The following CTNND2 variants were observed in gnomAD, a reference collection of about 807,000 sequenced individuals.
The protein encoded by CTNND2 is catenin delta 2.
A neutral mutation model predicts 144.4 loss-of-function variants in CTNND2; 22 were observed. That is an observed-to-expected ratio of 0.15 (90% confidence interval 0.11 to 0.22). The LOEUF (loss-of-function observed/expected upper bound fraction) is 0.22. Ranked by LOEUF, CTNND2 falls within the 10% of genes least tolerant of loss-of-function variation. The pLI is 1.00. For missense variants in CTNND2, 1,353 were observed against 1,618.8 expected, an observed-to-expected ratio of 0.84 and a Z score of 2.82; for synonymous variants, 751 against 695.6, an observed-to-expected ratio of 1.08 and a Z score of -1.25.
intron 5 of CTNND2, among the ~76,000 whole-genome samples, chr5:11,406,856 A>G (rs1228622003): frequency 6.6e-6 from 1 of 152,142 alleles, no homozygotes; most frequent in African/African-American, 2.4e-5. Flanking sequence ...CTCAGAATAT[A>G]TTAGCTCTGA....
chr5:11,622,360 G>A (rs1185174548), intron 2 of CTNND2, among the ~76,000 whole-genome samples: 2 of 152,124 alleles, frequency 1.3e-5, no homozygotes, highest in African/African-American at 4.8e-5. Context: ...TTGAGGGTAA[G>A]AAACTAGCCA....
intron 1 of CTNND2, among the ~76,000 whole-genome samples, chr5:11,765,588 G>T (rs959718711): frequency 1.3e-5 from 2 of 152,182 alleles, no homozygotes; most frequent in African/African-American, 4.8e-5. Context: ...TTCAAGATCA[G>T]ATTTGAATAT....
intron 10 of CTNND2, among the ~76,000 whole-genome samples, chr5:11,226,756 T>C (rs1423240810): frequency 6.6e-6 from 1 of 152,232 alleles, no homozygotes; most frequent in African/African-American, 2.4e-5. Context: ...TCGAGATTTG[T>C]ATGGGGACAT....
chr5:11,402,264 C>T (rs1760708420), intron 5 of CTNND2, among the ~76,000 whole-genome samples: 2 of 152,120 alleles, frequency 1.3e-5, no homozygotes, highest in Admixed American at 6.5e-5. Flanking sequence ...CAAACTTAAA[C>T]TGCTGCTTAA....
At chr5:11,419,878 C>A (rs974279540) in intron 3 of CTNND2, among the ~76,000 whole-genome samples, 12 of 152,190 alleles carry the variant, frequency 7.9e-5, no homozygotes, top group African/African-American at 2.9e-4. Flanking sequence ...GCATCAGTCT[C>A]CACATTGTAT....
intron 2 of CTNND2, among the ~76,000 whole-genome samples, chr5:11,694,540 G>A (rs1561702109): frequency 2.0e-5 from 3 of 152,136 alleles, no homozygotes; most frequent in Non-Finnish European, 4.4e-5. Context: ...AAATGAGAAC[G>A]CAGAGTATTA....
intron 8 of CTNND2, among the ~76,000 whole-genome samples, chr5:11,362,262 C>G (rs1002189946): frequency 6.6e-6 from 1 of 152,124 alleles, no homozygotes; most frequent in Admixed American, 6.5e-5. Context: ...TCTTTGTAAT[C>G]TCCATTTTTA....
Position 11,706,812 on chromosome 5 carries a change from G to A in CTNND2, c.174+25324C>T, listed in dbSNP as rs149890012. On this transcript the variant is annotated intron_variant, in intron 2 of 21. Coordinates refer to ENST00000304623, the MANE Select transcript of CTNND2 (RefSeq NM_001332.4). ...ACTAAAATAAGGAAGTAAGGCCAGC[G>A]CGGTGGCTCAGGCCTGTAATCCCAG... 6.9e-4 allele frequency among the ~76,000 whole-genome samples: 105 copies of A among 152,140 alleles called. 3 individuals are homozygous for A. The East Asian group carries it at 0.016, about 24-fold the overall frequency.
chr5:11,831,050 T>TTG (rs754961273), intron 1 of CTNND2, among the ~76,000 whole-genome samples: 31 of 151,768 alleles, frequency 2.0e-4, no homozygotes, highest in Non-Finnish European at 3.7e-4. Flanking sequence ...GAGAGTATGT[T>TTG]TGTGTGTGTG....
chr5:11,678,236 A>C (rs1784265785), intron 2 of CTNND2, among the ~76,000 whole-genome samples: 1 of 152,188 alleles, frequency 6.6e-6, no homozygotes, highest in Non-Finnish European at 1.5e-5. Context: ...AACTGAAGTT[A>C]CCTCCTACTC....
intron 3 of CTNND2, among the ~76,000 whole-genome samples, chr5:11,423,960 C>T (rs978670972): frequency 3.9e-5 from 6 of 152,194 alleles, no homozygotes; most frequent in African/African-American, 1.4e-4. Flanking sequence ...CGCCTTTATA[C>T]AGCAGAAACC....
intron 1 of CTNND2, among the ~76,000 whole-genome samples, chr5:11,782,722 G>T (rs544498201): frequency 6.6e-6 from 1 of 152,076 alleles, no homozygotes; most frequent in Non-Finnish European, 1.5e-5. Context: ...ACTGTGAAAC[G>T]CTCAGTATCT....
At position 11,271,572 on chromosome 5, in the gene CTNND2, C is replaced by T. The variant is rs1014894500; in HGVS notation, c.1629-34749G>A. Among the ~76,000 whole-genome samples the T allele has an allele frequency of 3.3e-5, 5 of 152,090 alleles. No individual in the cohort carries two copies. In the East Asian group the frequency reaches 5.8e-4, roughly 18 times the overall value. On this transcript the variant is annotated intron_variant, in intron 9 of 21. Coordinates refer to ENST00000304623, the MANE Select transcript of CTNND2 (RefSeq NM_001332.4). Reference sequence around the variant, plus strand: ...AGGATGATAGCAATGTTGAGAATATCGCCCCCTGCCACCTGGACAGTAATC... The same window carrying T: ...AGGATGATAGCAATGTTGAGAATATTGCCCCCTGCCACCTGGACAGTAATC...
intron 15 of CTNND2, among the ~76,000 whole-genome samples, 181 bp downstream of exon 15, chr5:11,098,394 C>A (rs1296958086): frequency 3.9e-5 from 6 of 152,152 alleles, no homozygotes; most frequent in Non-Finnish European, 7.3e-5. Flanking sequence ...ACTCCTGAGC[C>A]TTTAAGATCA....
intron 1 of CTNND2, among the ~76,000 whole-genome samples, chr5:11,854,941 T>C (rs1169768921): frequency 6.6e-6 from 1 of 152,202 alleles, no homozygotes; most frequent in Non-Finnish European, 1.5e-5. Flanking sequence ...GGCCCCACTA[T>C]TCTCTTCTAA....
In CTNND2 at chr5:11,016,549, C is replaced by T. The variant is rs115449569; in HGVS notation, c.3084+1425G>A. Among the ~76,000 whole-genome samples, 515 of 152,254 alleles carry T rather than the reference C, an allele frequency of 3.4e-3. 2 individuals carry two copies. The highest frequency in any genetic ancestry group is 0.022 in the East Asian group (115 of 5,166). ...CCCACGTCCCTGGCCAGTGAGTGGC[C>T]GGTGACCTGGGGGATGGGGGCTATA... On this transcript the variant is annotated intron_variant, in intron 18 of 21. Coordinates refer to ENST00000304623, the MANE Select transcript of CTNND2 (RefSeq NM_001332.4).
chr5:11,872,995 AAATGGGATCT>A (rs1225915339), intron 1 of CTNND2, among the ~76,000 whole-genome samples: 1 of 152,244 alleles, frequency 6.6e-6, no homozygotes, highest in African/African-American at 2.4e-5. Flanking sequence ...CAAAATCGAC[AAATGGGATCT>A]AATTAAACTA....
At chr5:11,838,084 T>A (rs1297111615) in intron 1 of CTNND2, among the ~76,000 whole-genome samples, 1 of 152,178 alleles carries the variant, frequency 6.6e-6, no homozygotes, top group Non-Finnish European at 1.5e-5. Flanking sequence ...GCTTCTGTTC[T>A]AGGAACACCA....
At chr5:10,984,048 A>G (rs1350525004) in intron 20 of CTNND2, among the ~76,000 whole-genome samples, 2 of 152,136 alleles carry the variant, frequency 1.3e-5, no homozygotes, top group African/African-American at 2.4e-5. Context: ...CGTCAAGTGA[A>G]GTAACCCCTT....
Sources: allele counts gnomAD v4.1 joint callset (sites outside exome capture counted in the v4.1 genomes callset), GRCh38; gene constraint gnomAD v4.1.1; transcripts MANE v1.5; gene names NCBI Gene and HGNC (gene_info 2026-07-23, HGNC 2026-07-21).